The following UGT1A1 variants were observed in gnomAD, a reference collection of about 807,000 sequenced individuals.
The protein encoded by UGT1A1 is UDP glucuronosyltransferase family 1 member A1, also known as UDP-glucuronosyltransferase 1A1.
A neutral mutation model predicts 40.6 loss-of-function variants in UGT1A1; 33 were observed. The observed-to-expected ratio is 0.81, with a 90% CI of 0.62 to 1.09. UGT1A1 has a LOEUF of 1.09. Ranked by LOEUF, UGT1A1 falls within the 50% of genes least tolerant of loss-of-function variation. UGT1A1 has a pLI of 0.00. For missense variants in UGT1A1, 694 were observed against 671.2 expected (o/e 1.03, Z -0.38); for synonymous variants, 249 against 265.0 (o/e 0.94, Z 0.59).
chr2:233,769,741 GCCACTC>G lies in UGT1A1; in HGVS notation c.1304+1303_1304+1308del. The G allele has an allele frequency of 6.9e-7, 1 of 1,452,214 alleles. No individual in the cohort carries two copies. Among genetic ancestry groups the G allele is most frequent in the Non-Finnish European group, 9.1e-7 (1 of 1,101,348 alleles). 90.0% of individuals were successfully genotyped at this position (1,452,214 alleles called of 1,614,324 possible). On this transcript the variant is annotated intron_variant, in intron 4 of 4. Coordinates refer to ENST00000305208, the MANE Select transcript of UGT1A1 (RefSeq NM_000463.3). The surrounding 1 kb of genome is among the most constrained non-coding windows in gnomAD (Gnocchi z 4.4). ...ACCATGGCACACGCCTGTAGTCCCA[GCCACTC>G]TGGAGGCTAAGGCGGGAGGATTGCT... is the stretch of plus-strand genomic sequence containing the variant.
At chr2:233,770,243 A>G (rs1307269506) in intron 4 of UGT1A1, 1 of 152,248 alleles carries the variant, frequency 6.6e-6, no homozygotes, top group African/African-American at 2.4e-5. Context: ...CCATGATTCC[A>G]ACACTCTGAG....
intron 4 of UGT1A1, chr2:233,771,409 C>G (rs1252416049): frequency 6.6e-6 from 1 of 152,166 alleles, no homozygotes; most frequent in Non-Finnish European, 1.5e-5. Flanking sequence ...TGAACACTGT[C>G]CAGAATAAAC....
chr2:233,770,451 C>T (rs565936223), intron 4 of UGT1A1: 5 of 152,088 alleles, frequency 3.3e-5, no homozygotes, highest in Admixed American at 1.3e-4. Flanking sequence ...GTTAGGAGTT[C>T]GAAACCAACC....
chr2:233,772,168 A>C, intron 4 of UGT1A1, 94 bp from the exon 5 acceptor site: 1 of 1,573,330 alleles, frequency 6.4e-7, no homozygotes, highest in Non-Finnish European at 8.6e-7. Flanking sequence ...AAGTTTGGAA[A>C]ATCTGGTAGT....
rs200041554 is a variant in UGT1A1, at chr2:233,772,747, T to C, written c.*188T>C. The C allele has an allele frequency of 7.0e-7, 1 of 1,423,162 alleles. No individual in the cohort carries two copies. Among genetic ancestry groups the C allele is most frequent in the South Asian group, 1.5e-5 (1 of 67,222 alleles). The allele number at this position is 1,423,162 out of a possible 1,614,324, so 88.2% of individuals were successfully genotyped here. A position where few individuals can be genotyped will look rare whatever the true frequency, so the allele number is the denominator to read the frequency against. On this transcript the variant is annotated 3_prime_UTR_variant, in exon 5 of 5. Coordinates refer to ENST00000305208, the MANE Select transcript of UGT1A1 (RefSeq NM_000463.3). ...TAGACTCGCTAGTCAGTAAAGATAT[T>C]TGAATATGTATCGTGCCCCCTCTGG...
chr2:233,767,929 T>C lies in UGT1A1; in HGVS notation c.1077T>C (p.Asp359=). 3.1e-6 allele frequency: 5 copies of C among 1,614,196 alleles called. No individual in the cohort carries two copies. Among genetic ancestry groups the C allele is most frequent in the Non-Finnish European group, 3.4e-6 (4 of 1,180,048 alleles). ...TILVKWLPQN[D]LLGHPMTRAF... is the part of the protein sequence containing the mutation. ...TTGTTAAGTGGCTACCCCAAAACGATCTGCTTGGTATGTTGGGCGGATTGG... is the reference window on the plus strand; with the variant it reads ...TTGTTAAGTGGCTACCCCAAAACGACCTGCTTGGTATGTTGGGCGGATTGG... Residue 359 remains aspartate, a synonymous_variant, in exon 3 of 5, where the codon GAT becomes GAC. Transcript: ENST00000305208.
At chr2:233,771,035 G>A (rs1472903021) in intron 4 of UGT1A1, 1 of 152,036 alleles carries the variant, frequency 6.6e-6, no homozygotes, top group South Asian at 2.1e-4. Context: ...TGGGGGGGAA[G>A]GTGCCACACA....
At chr2:233,767,759 AG>A in intron 2 of UGT1A1, 89 bp from the exon 3 acceptor site, 5 of 1,604,854 alleles carry the variant, frequency 3.1e-6, no homozygotes, top group Non-Finnish European at 4.3e-6. Flanking sequence ...GTTCCTTCAG[AG>A]GACCCCTGTT....
At chr2:233,768,134 C>CT (rs1360779750) in intron 3 of UGT1A1, 86 bp from the exon 4 acceptor site, 2 of 1,607,930 alleles carry the variant, frequency 1.2e-6, no homozygotes, top group African/African-American at 2.7e-5. Flanking sequence ...AACACTGAGT[C>CT]TTTGGAGTGT....
chr2:233,764,795 T>A (rs148070412), intron 1 of UGT1A1, among the ~76,000 whole-genome samples: 1 of 152,200 alleles, frequency 6.6e-6, no homozygotes, highest in East Asian at 1.9e-4. Flanking sequence ...CCTCAGGGTG[T>A]TCTTGCTACA....
At position 233,760,310 on chromosome 2, in the gene UGT1A1, G is replaced by T. The variant is rs768521253; in HGVS notation, c.23G>T (p.Gly8Val). 3 of 1,613,706 alleles carry T rather than the reference G, an allele frequency of 1.9e-6. No homozygotes were observed. The highest frequency in any genetic ancestry group is 2.5e-6 in the Non-Finnish European group (3 of 1,179,980). The part of the protein sequence containing the change: MAVESQG[G>V]RPLVLGLLLC... The stretch of plus-strand genomic sequence containing the variant: ...GCCATGGCTGTGGAGTCCCAGGGCG[G>T]ACGCCCACTTGTCCTGGGCCTGCTG... The change falls in exon 1 of 5, where the codon GGA becomes GTA. Residue 8 changes from glycine (G) to valine (V), a missense_variant. Physicochemically the swap from Gly to Val is moderately radical, Grantham distance 109. Transcript: ENST00000305208.
chr2:233,760,635 A>G lies in UGT1A1; in HGVS notation c.348A>G (p.Ile116Met), dbSNP rs1697508597. ...LQRVIKTYKKIKKDSAMLLSG... is the reference protein window; with the variant it reads ...LQRVIKTYKKMKKDSAMLLSG... ...GTGTGATCAAAACATACAAGAAAAT[A>G]AAAAAGGACTCTGCTATGCTTTTGT... The change falls in exon 1 of 5, where the codon ATA (isoleucine) becomes ATG (methionine). Residue 116 changes from isoleucine to methionine, a missense_variant. Physicochemically the swap from Ile to Met is conservative, Grantham distance 10 (BLOSUM62 1). Coordinates refer to ENST00000305208, the MANE Select transcript of UGT1A1 (RefSeq NM_000463.3). 1 of 1,614,006 alleles carries G rather than the reference A, an allele frequency of 6.2e-7. No homozygotes were observed. The highest frequency in any genetic ancestry group is 1.3e-5 in the African/African-American group (1 of 74,902).
rs1700559887 is a variant in UGT1A1, at chr2:233,772,963, A to G, written c.*404A>G. On this transcript the variant is annotated 3_prime_UTR_variant, in exon 5 of 5. Coordinates refer to ENST00000305208, the MANE Select transcript of UGT1A1 (RefSeq NM_000463.3). ...TGGCTTCTGCAGATGGTTGCAATTG[A>G]TCCTTAACCAATAATGGTCAGTCCT... 3.2e-6 allele frequency: 1 copy of G among 310,458 alleles called. No homozygotes were observed. Among genetic ancestry groups the G allele is most frequent in the South Asian group, 3.3e-5 (1 of 30,404 alleles). 19.2% of individuals were successfully genotyped at this position (310,458 alleles called of 1,614,324 possible).
In UGT1A1 at chr2:233,760,547, A is replaced by T. The variant is rs533766461; in HGVS notation, c.260A>T (p.Asp87Val). 6.2e-7 allele frequency: 1 copy of T among 1,614,192 alleles called. No individual in the cohort carries two copies. The highest frequency in any genetic ancestry group is 1.3e-5 in the African/African-American group (1 of 75,050). ...KTYPVPFQRE[D>V]VKESFVSLGH... Reference sequence around the variant, plus strand: ...TACCCTGTGCCATTCCAAAGGGAGGATGTGAAAGAGTCTTTTGTTAGTCTC... The same window carrying T: ...TACCCTGTGCCATTCCAAAGGGAGGTTGTGAAAGAGTCTTTTGTTAGTCTC... The change falls in exon 1 of 5, where the codon GAT (aspartate) becomes GTT (valine). Residue 87 changes from aspartate (D) to valine (V), a missense_variant. Coordinates refer to ENST00000305208, the MANE Select transcript of UGT1A1 (RefSeq NM_000463.3).
chr2:233,769,811 T>C lies in UGT1A1; in HGVS notation c.1304+1372T>C. 9.8e-7 allele frequency: 1 copy of C among 1,015,422 alleles called. No individual in the cohort carries two copies. The highest frequency in any genetic ancestry group is 2.2e-5 in the South Asian group (1 of 46,182). The allele number at this position is 1,015,422 out of a possible 1,614,324, so 62.9% of individuals were successfully genotyped here. A position where few individuals can be genotyped will look rare whatever the true frequency, so the allele number is the denominator to read the frequency against. On this transcript the variant is annotated intron_variant, in intron 4 of 4. Transcript: ENST00000305208. This position sits in a 1 kb window ranked among gnomAD's most constrained non-coding sequence, Gnocchi z 4.4. ...TGGAGGCTGCTATGAGCCGTGATCA[T>C]GCCACTGCACTCCAGCAACCTGGGC...
rs1270909103 is a variant in UGT1A1, at chr2:233,767,175, T to G, written c.996+10T>G. On this transcript the variant is annotated intron_variant, in intron 2 of 4. Transcript: ENST00000305208. Reference sequence around the variant, plus strand: ...CAAAATCCCTCAGACAGTAAGAAGATTCTATACCATGGCCTCATATCTATT... The same window carrying G: ...CAAAATCCCTCAGACAGTAAGAAGAGTCTATACCATGGCCTCATATCTATT... The G allele has an allele frequency of 1.4e-5, 22 of 1,613,924 alleles. No individual in the cohort carries two copies. The highest frequency in any genetic ancestry group is 1.9e-5 in the Non-Finnish European group (22 of 1,180,010).
intron 1 of UGT1A1, among the ~76,000 whole-genome samples, chr2:233,764,010 C>T (rs956490955): frequency 8.5e-5 from 13 of 152,216 alleles, no homozygotes; most frequent in Admixed American, 5.2e-4. Context: ...CACAGATGAC[C>T]CACATGGTGT....
At position 233,769,603 on chromosome 2, in the gene UGT1A1, G is replaced by T; in HGVS notation, c.1304+1164G>T. 1 of 1,612,818 alleles carries T rather than the reference G, an allele frequency of 6.2e-7. No individual in the cohort carries two copies. Among genetic ancestry groups the T allele is most frequent in the Non-Finnish European group, 8.5e-7 (1 of 1,179,870 alleles). On this transcript the variant is annotated intron_variant, in intron 4 of 4. Transcript: ENST00000305208. The surrounding 1 kb of genome is among the most constrained non-coding windows in gnomAD (Gnocchi z 4.4). Reference sequence around the variant, plus strand: ...CAGATGAGAGGAGACGGAACACGGGGACACACCAGCTTGAGCAAGGGACAA... The same window carrying T: ...CAGATGAGAGGAGACGGAACACGGGTACACACCAGCTTGAGCAAGGGACAA...
rs563417082 is a variant in UGT1A1, at chr2:233,769,495, G to C, written c.1304+1056G>C. ...TGTGTGTGTGCGTGTGTTTATGAGA[G>C]TGTCCATTGCTTTCTCCCATGGTTA... is the stretch of plus-strand genomic sequence containing the variant. On this transcript the variant is annotated intron_variant, in intron 4 of 4. Transcript: ENST00000305208. The surrounding 1 kb of genome is among the most constrained non-coding windows in gnomAD (Gnocchi z 4.4). 1.4e-5 allele frequency: 23 copies of C among 1,612,758 alleles called. No individual in the cohort carries two copies. The South Asian group carries it at 2.2e-4, about 15-fold the overall frequency.
Sources: allele counts gnomAD v4.1 joint callset (sites outside exome capture counted in the v4.1 genomes callset), GRCh38; gene constraint gnomAD v4.1.1; non-coding constraint Gnocchi (gnomAD v3.1); transcripts MANE v1.5; gene names NCBI Gene and HGNC (gene_info 2026-07-23, HGNC 2026-07-21).